ADAMTSL2: variants seen among roughly 807,000 people sequenced by gnomAD.
ADAMTSL2 encodes ADAMTS like 2.
In ADAMTSL2, 55 loss-of-function variants were observed where a neutral mutation model predicts 117.0. The ratio of observed to expected loss-of-function variants is 0.47; its 90% confidence interval spans 0.38 to 0.59. ADAMTSL2 has a LOEUF of 0.59. ADAMTSL2 is among the 20% of genes least tolerant of loss of function. The pLI is 0.00. For synonymous variants in ADAMTSL2, 572 were observed against 566.4 expected (o/e 1.01, Z -0.14); for missense variants, 1,182 against 1,354.5 (o/e 0.87, Z 2.00).
chr9:133,557,622 T>A lies in ADAMTSL2; in HGVS notation c.1649+1692T>A, dbSNP rs2131145449. 6.6e-6 allele frequency among the ~76,000 whole-genome samples: 1 copy of A among 152,308 alleles called. No homozygotes were observed. The highest frequency in any genetic ancestry group is 2.1e-4 in the South Asian group (1 of 4,832). On this transcript the variant is annotated intron_variant, in intron 11 of 18. Transcript: ENST00000651351. The surrounding 1 kb of genome is among the most constrained non-coding windows in gnomAD (Gnocchi z 5.2). The stretch of plus-strand genomic sequence containing the variant: ...GAACGGCACTACTCAAGGCTGCCAG[T>A]CTGTCTGTGTCTTCAGCGTGGGCCC...
Position 133,545,595 on chromosome 9 carries a change from G to C in ADAMTSL2, c.763+1045G>C, listed in dbSNP as rs181191562. ...CGCCCTGGGGGCTACTCCCTGGCCC[G>C]AGCGGGGAGCCGGGCCTCTCGCCAG... On this transcript the variant is annotated intron_variant, in intron 8 of 18. Transcript: ENST00000651351. 2.6e-5 allele frequency among the ~76,000 whole-genome samples: 4 copies of C among 152,338 alleles called. No individual in the cohort carries two copies. In the South Asian group the frequency reaches 8.3e-4, roughly 32 times the overall value.
chr9:133,543,018 G>A (rs1052457031), intron 7 of ADAMTSL2, among the ~76,000 whole-genome samples: 3 of 151,428 alleles, frequency 2.0e-5, no homozygotes, highest in East Asian at 1.9e-4. Context: ...ATGCGATCTC[G>A]GCTTTCTGCA....
At position 133,536,545 on chromosome 9, in the gene ADAMTSL2, G is replaced by T. The variant is rs552420818; in HGVS notation, c.-150-18G>T. Reference sequence around the variant, plus strand: ...TGCTAAGCCTAGACTGAGGCGGGGGGTTCATCCTTCCCAACAGGGTCTGCC... The same window carrying T: ...TGCTAAGCCTAGACTGAGGCGGGGGTTTCATCCTTCCCAACAGGGTCTGCC... On this transcript the variant is annotated intron_variant, in intron 1 of 18. Transcript: ENST00000651351. The T allele has an allele frequency of 5.2e-6, 8 of 1,546,712 alleles. No homozygotes were observed. In the South Asian group the frequency reaches 9.5e-5, roughly 18 times the overall value.
intron 12 of ADAMTSL2, among the ~76,000 whole-genome samples, chr9:133,564,273 A>G (rs1830863759): frequency 2.7e-5 from 1 of 36,784 alleles, no homozygotes; most frequent in Non-Finnish European, 5.5e-5. Context: ...AGAGAGAGAG[A>G]AAGAGGGAGA....
At chr9:133,564,405 AGAGG>A (rs1168529803) in intron 12 of ADAMTSL2, among the ~76,000 whole-genome samples, 2 of 61,368 alleles carry the variant, frequency 3.3e-5, no homozygotes, top group African/African-American at 5.4e-5. Context: ...AGGGAGAGAG[AGAGG>A]GAGAGAGAGA....
At chr9:133,548,753 G>C (rs896732969) in intron 9 of ADAMTSL2, among the ~76,000 whole-genome samples, 1 of 152,172 alleles carries the variant, frequency 6.6e-6, no homozygotes. Flanking sequence ...GAAATTCCTG[G>C]GGTGGGGCAC....
chr9:133,547,883 T>G (rs1256512396), intron 9 of ADAMTSL2, among the ~76,000 whole-genome samples: 1 of 152,230 alleles, frequency 6.6e-6, no homozygotes, highest in East Asian at 1.9e-4. Flanking sequence ...GGGCCTGTTA[T>G]GCCCGACTTG....
At chr9:133,562,541 G>A (rs1187262991) in intron 12 of ADAMTSL2, among the ~76,000 whole-genome samples, 3 of 116,876 alleles carry the variant, frequency 2.6e-5, no homozygotes, top group African/African-American at 6.7e-5. Flanking sequence ...GCTGGGCCCG[G>A]CTCGCACCGC....
chr9:133,570,408 G>T lies in ADAMTSL2; in HGVS notation c.2493G>T (p.Thr831=). The T allele has an allele frequency of 6.3e-7, 1 of 1,591,190 alleles. No homozygotes were observed. Among genetic ancestry groups the T allele is most frequent in the South Asian group, 1.1e-5 (1 of 87,760 alleles). The change falls in exon 17 of 19, where the codon ACG becomes ACT. Residue 831 remains threonine, a synonymous_variant. Coordinates refer to ENST00000651351, the MANE Select transcript of ADAMTSL2 (RefSeq NM_014694.4). ...CMELANGKPQ[T]RSGPECGLAK... ...AGCTGGCCAACGGGAAGCCGCAGAC[G>T]CGCAGTGGCCCCGAGTGCGGGCTCG... is the stretch of plus-strand genomic sequence containing the variant.
Position 133,537,738 on chromosome 9 carries a change from T to C in ADAMTSL2, c.233+191T>C, listed in dbSNP as rs142660768. Among the ~76,000 whole-genome samples, 593 of 152,334 alleles carry C rather than the reference T, an allele frequency of 3.9e-3. 4 individuals carry two copies. The highest frequency in any genetic ancestry group is 6.7e-3 in the Non-Finnish European group (453 of 68,020). Reference sequence around the variant, plus strand: ...TGGATGGGCCCCAGCACTGGTGCTCTGGGGTCCTTCATGCTTCAGGGCACC... The same window carrying C: ...TGGATGGGCCCCAGCACTGGTGCTCCGGGGTCCTTCATGCTTCAGGGCACC... On this transcript the variant is annotated intron_variant, in intron 3 of 18. Transcript: ENST00000651351.
At position 133,560,218 on chromosome 9, in the gene ADAMTSL2, C is replaced by A. The variant is rs1025601315; in HGVS notation, c.1650-980C>A. Among the ~76,000 whole-genome samples, 4 of 152,348 alleles carry A rather than the reference C, an allele frequency of 2.6e-5. No homozygotes were observed. In the East Asian group the frequency reaches 5.8e-4, roughly 22 times the overall value. ...CCAGTGAAGTATGGCGGCTTGGGGT[C>A]ATCTCTAGCCAGCCCCTCTGGGCCC... On this transcript the variant is annotated intron_variant, in intron 11 of 18. Transcript: ENST00000651351.
At chr9:133,563,387 C>G (rs796624189) in intron 12 of ADAMTSL2, among the ~76,000 whole-genome samples, 1 of 152,216 alleles carries the variant, frequency 6.6e-6, no homozygotes, top group South Asian at 2.1e-4. Flanking sequence ...GCCCTGAGTT[C>G]CTCCACTCTT....
At chr9:133,532,419 A>G (rs1286546841), upstream of ADAMTSL2, 1 of 151,718 alleles carries the variant, frequency 6.6e-6, no homozygotes, top group Non-Finnish European at 1.5e-5. Flanking sequence ...CTGGTCTCAA[A>G]CTCCTGACCT....
chr9:133,564,211 AGGGAGAGGGAGAGAGAGG>A (rs1830857615), intron 12 of ADAMTSL2, among the ~76,000 whole-genome samples: 3 of 70,424 alleles, frequency 4.3e-5, no homozygotes, highest in Admixed American at 2.7e-4. Context: ...AGAGAGAGAG[AGGGAGAGGGAGAGAGAGG>A]GAGAGAGAGA....
At chr9:133,561,329 C>A in intron 12 of ADAMTSL2, 34 bp downstream of exon 12, 2 of 1,541,194 alleles carry the variant, frequency 1.3e-6, no homozygotes, top group Non-Finnish European at 1.8e-6. Context: ...GCAGCAACTG[C>A]CCTGAACCCA....
At chr9:133,564,684 G>A (rs1830918611) in intron 12 of ADAMTSL2, among the ~76,000 whole-genome samples, 1 of 145,350 alleles carries the variant, frequency 6.9e-6, no homozygotes, top group Admixed American at 6.8e-5. Context: ...GGGAGAGAGA[G>A]AGGGAGAGGG....
At chr9:133,573,576 A>G (rs2131191611) in intron 17 of ADAMTSL2, among the ~76,000 whole-genome samples, 1 of 152,268 alleles carries the variant, frequency 6.6e-6, no homozygotes, top group Admixed American at 6.5e-5. Flanking sequence ...CTCACTGTGG[A>G]TCTGGGGAGA....
intron 9 of ADAMTSL2, among the ~76,000 whole-genome samples, chr9:133,552,658 G>C (rs1037491276): frequency 1.3e-5 from 2 of 152,190 alleles, no homozygotes; most frequent in Non-Finnish European, 2.9e-5. Context: ...ATCTGCTCTA[G>C]GAGAGAGACC....
chr9:133,556,184 C>A (rs1361161030), intron 11 of ADAMTSL2, among the ~76,000 whole-genome samples: 2 of 152,200 alleles, frequency 1.3e-5, no homozygotes, highest in African/African-American at 4.8e-5. Flanking sequence ...AGGGCTGAGC[C>A]CCTATGTGTG....
Sources: allele counts gnomAD v4.1 joint callset (sites outside exome capture counted in the v4.1 genomes callset), GRCh38; gene constraint gnomAD v4.1.1; non-coding constraint Gnocchi (gnomAD v3.1); transcripts MANE v1.5; gene names NCBI Gene and HGNC (gene_info 2026-07-23, HGNC 2026-07-21).